The following TULP4 variants were observed in gnomAD, a reference collection of about 807,000 sequenced individuals.
TULP4 encodes the protein TUB like protein 4.
A neutral mutation model predicts 129.0 loss-of-function variants in TULP4; 16 were observed. The ratio of observed to expected loss-of-function variants is 0.12; its 90% CI spans 0.08 to 0.19. The LOEUF (loss-of-function observed/expected upper bound fraction) is 0.19. TULP4 is among the 10% of genes least tolerant of loss of function. The pLI is 1.00. For synonymous variants in TULP4, 998 were observed against 854.0 expected (o/e 1.17, Z -2.94); for missense variants, 1,842 against 2,059.1 (o/e 0.89, Z 2.04).
At chr6:158,467,896 C>G (rs575524970) in intron 6 of TULP4, among the ~76,000 whole-genome samples, 1 of 152,166 alleles carries the variant, frequency 6.6e-6, no homozygotes, top group Non-Finnish European at 1.5e-5. Flanking sequence ...AATCAGTGAG[C>G]CTTAACATTG....
intron 1 of TULP4, among the ~76,000 whole-genome samples, chr6:158,410,984 G>T (rs1187397887): frequency 6.6e-6 from 1 of 152,058 alleles, no homozygotes; most frequent in Non-Finnish European, 1.5e-5. Flanking sequence ...TTTATCATAG[G>T]CAGGCAGGCA....
At chr6:158,274,874 G>A (rs1778615407) in intron 1 of TULP4, among the ~76,000 whole-genome samples, 1 of 152,166 alleles carries the variant, frequency 6.6e-6, no homozygotes, top group South Asian at 2.1e-4. Flanking sequence ...CCGCTCCTAA[G>A]CAAACCCCCA....
intron 1 of TULP4, among the ~76,000 whole-genome samples, chr6:158,243,016 T>C (rs1283967242): frequency 6.6e-6 from 1 of 152,322 alleles, no homozygotes; most frequent in African/African-American, 2.4e-5. Flanking sequence ...CTCGAACTCC[T>C]GACTTCGTGA....
intron 1 of TULP4, among the ~76,000 whole-genome samples, chr6:158,299,317 C>G (rs963648809): frequency 6.6e-6 from 1 of 152,134 alleles, no homozygotes; most frequent in African/African-American, 2.4e-5. Flanking sequence ...GGTGCCCAGT[C>G]TATTACTAAA....
chr6:158,399,654 T>TA (rs1237801049), intron 1 of TULP4, among the ~76,000 whole-genome samples: 1 of 150,766 alleles, frequency 6.6e-6, no homozygotes, highest in Non-Finnish European at 1.5e-5. Flanking sequence ...TACCTTTACG[T>TA]AAAAAATAAT....
chr6:158,293,750 T>C (rs1778981726), intron 1 of TULP4, among the ~76,000 whole-genome samples: 1 of 152,250 alleles, frequency 6.6e-6, no homozygotes, highest in African/African-American at 2.4e-5. Context: ...AGTCATACAT[T>C]ATTTATCTCA....
chr6:158,430,535 G>A (rs1778605599), intron 3 of TULP4, among the ~76,000 whole-genome samples: 1 of 152,116 alleles, frequency 6.6e-6, no homozygotes, highest in Non-Finnish European at 1.5e-5. Flanking sequence ...CTAAGGTCAG[G>A]ATTTCGAGAC....
At chr6:158,409,772 T>C (rs1461615614) in intron 1 of TULP4, among the ~76,000 whole-genome samples, 1 of 152,244 alleles carries the variant, frequency 6.6e-6, no homozygotes, top group Non-Finnish European at 1.5e-5. Context: ...GTTACTCACC[T>C]TTTCGTTTAT....
chr6:158,415,786 G>T (rs1382279117), intron 2 of TULP4, among the ~76,000 whole-genome samples: 4 of 152,066 alleles, frequency 2.6e-5, no homozygotes, highest in African/African-American at 9.7e-5. Flanking sequence ...TGCCCCTTGT[G>T]TTAGGGTTCT....
At chr6:158,389,931 T>C (rs1402850557) in intron 1 of TULP4, among the ~76,000 whole-genome samples, 2 of 152,120 alleles carry the variant, frequency 1.3e-5, no homozygotes, top group Non-Finnish European at 1.5e-5. Context: ...GCTAACATGG[T>C]GAAACCCTAT....
At chr6:158,308,778 C>T (rs1583726973), upstream of TULP4, among the ~76,000 whole-genome samples, 1 of 143,830 alleles carries the variant, frequency 7.0e-6, no homozygotes, top group Admixed American at 6.8e-5. Flanking sequence ...CACCTCCCTC[C>T]CGGACGGGGC....
At chr6:158,360,866 C>G (rs117335030) in intron 1 of TULP4, among the ~76,000 whole-genome samples, 2,123 of 152,216 alleles carry the variant, frequency 0.014, 22 homozygotes, top group Non-Finnish European at 0.021. Context: ...ACAGTTATGC[C>G]ACCATTAGCA....
intron 1 of TULP4, among the ~76,000 whole-genome samples, chr6:158,284,964 C>G (rs1242144134): frequency 2.0e-5 from 3 of 152,174 alleles, no homozygotes; most frequent in African/African-American, 7.2e-5. Flanking sequence ...CTTCCTTTGT[C>G]TTCGTCTTTA....
intron 1 of TULP4, among the ~76,000 whole-genome samples, chr6:158,253,686 G>A (rs9356542): frequency 2.0e-5 from 3 of 151,608 alleles, no homozygotes; most frequent in Non-Finnish European, 4.4e-5. Flanking sequence ...CACTTTTTTT[G>A]ATTTTCTTAA....
chr6:158,459,298 C>T (rs1389751118), intron 5 of TULP4, among the ~76,000 whole-genome samples: 4 of 152,054 alleles, frequency 2.6e-5, no homozygotes, highest in South Asian at 2.1e-4. Flanking sequence ...GGCATGGTGG[C>T]GCATGCCTGT....
chr6:158,450,241 G>A (rs1779136390), intron 4 of TULP4, among the ~76,000 whole-genome samples: 1 of 152,132 alleles, frequency 6.6e-6, no homozygotes, highest in Non-Finnish European at 1.5e-5. Flanking sequence ...ACTGCTGTGT[G>A]CCCTTCATAG....
intron 1 of TULP4, among the ~76,000 whole-genome samples, chr6:158,272,286 AT>A (rs1778565967): frequency 6.6e-6 from 1 of 151,948 alleles, no homozygotes; most frequent in Admixed American, 6.6e-5. Flanking sequence ...TTCTTTTTAT[AT>A]TTTCTTTCTT....
chr6:158,248,627 G>A (rs887885708), intron 1 of TULP4, among the ~76,000 whole-genome samples: 6 of 152,052 alleles, frequency 3.9e-5, no homozygotes, highest in Non-Finnish European at 7.4e-5. Flanking sequence ...CTGTGTCCCC[G>A]CTACTCGGAG....
chr6:158,494,898 G>A (rs1046805532), intron 11 of TULP4, 52 bp downstream of exon 11: 5 of 1,520,244 alleles, frequency 3.3e-6, no homozygotes, highest in East Asian at 4.5e-5. Flanking sequence ...AAACTAAAAC[G>A]TCCAGTTTCC....
Sources: gnomAD v4.1 joint callset for allele counts (sites outside exome capture counted in the v4.1 genomes callset) on GRCh38, gnomAD v4.1.1 for gene constraint, MANE v1.5 for transcripts, NCBI Gene and HGNC (gene_info 2026-07-23, HGNC 2026-07-21) for gene names.